Variants in REL observed in about 807,000 individuals in gnomAD.
The protein encoded by REL is REL proto-oncogene, NF-kB subunit, also known as proto-oncogene c-Rel.
REL carries 15 observed loss-of-function variants against 45.9 expected under a neutral mutation model. The ratio of observed to expected loss-of-function variants is 0.33; its 90% CI spans 0.22 to 0.50. The LOEUF (loss-of-function observed/expected upper bound fraction) is 0.50, where lower values mean the gene tolerates loss of function less well. Ranked by LOEUF, REL falls within the 20% of genes least tolerant of loss-of-function variation. The pLI is 0.98. For synonymous variants in REL, 239 were observed against 242.1 expected (o/e 0.99, Z 0.12); for missense variants, 601 against 715.2 (o/e 0.84, Z 1.82).
At position 60,924,153 on chromosome 2, in the gene REL, C is replaced by T. The variant is rs1275411231; in HGVS notation, c.*1618C>T. 4.3e-6 allele frequency: 1 copy of T among 231,050 alleles called. No homozygotes were observed. The highest frequency in any genetic ancestry group is 1.8e-4 in the South Asian group (1 of 5,518). The allele number at this position is 231,050 out of a possible 1,614,324, so 14.3% of individuals were successfully genotyped here. ...TCCTTCAGGTGTCACTCCACTGTTACCTGAGCAGGTCGTCCTTGAATATAT... is the reference window on the plus strand; with the variant it reads ...TCCTTCAGGTGTCACTCCACTGTTATCTGAGCAGGTCGTCCTTGAATATAT... On this transcript the variant is annotated 3_prime_UTR_variant, in exon 10 of 10. Transcript: ENST00000394479.
intron 4 of REL, among the ~76,000 whole-genome samples, chr2:60,905,003 C>T (rs750483118): frequency 3.3e-5 from 5 of 152,196 alleles, no homozygotes; most frequent in Non-Finnish European, 7.4e-5. Flanking sequence ...AACAACTCTA[C>T]CATGCCGCCT....
At chr2:60,887,623 G>T (rs1409134823) in intron 1 of REL, among the ~76,000 whole-genome samples, 1 of 150,650 alleles carries the variant, frequency 6.6e-6, no homozygotes, top group Non-Finnish European at 1.5e-5. Context: ...TAGTTTAAAG[G>T]AGGGGAGATT....
At chr2:60,907,520 G>A (rs1573332723) in intron 4 of REL, among the ~76,000 whole-genome samples, 1 of 151,898 alleles carries the variant, frequency 6.6e-6, no homozygotes, top group Admixed American at 6.5e-5. Flanking sequence ...GCAAGTCCCA[G>A]CCTGCTCCAG....
intron 4 of REL, 142 bp from the exon 5 acceptor site, chr2:60,916,735 A>C: frequency 2.0e-6 from 1 of 488,672 alleles, no homozygotes; most frequent in Non-Finnish European, 3.6e-6. Flanking sequence ...GGCATTCTTG[A>C]GATTGTATAC....
chr2:60,909,499 C>A (rs1673750494), intron 4 of REL, among the ~76,000 whole-genome samples: 1 of 151,520 alleles, frequency 6.6e-6, no homozygotes, highest in South Asian at 2.1e-4. Context: ...CGTATGTTGC[C>A]CAGGCTGGTC....
Position 60,901,038 on chromosome 2 carries a change from G to A in REL, c.349G>A (p.Glu117Lys). 1 of 1,607,952 alleles carries A rather than the reference G, an allele frequency of 6.2e-7. No homozygotes were observed. The highest frequency in any genetic ancestry group is 8.5e-7 in the Non-Finnish European group (1 of 1,177,248). Reference protein sequence around the residue: ...IRCVKKKEVKEAIITRIKAGI... With the variant: ...IRCVKKKEVKKAIITRIKAGI... Reference sequence around the variant, plus strand: ...ATGTGTGAAGAAAAAAGAAGTAAAAGAAGCTATTATTACAAGAATAAAGGC... The same window carrying A: ...ATGTGTGAAGAAAAAAGAAGTAAAAAAAGCTATTATTACAAGAATAAAGGC... The change falls in exon 4 of 10, where the codon GAA becomes AAA. Residue 117 changes from glutamate to lysine, a missense_variant. Coordinates refer to ENST00000394479, the MANE Select transcript of REL (RefSeq NM_001291746.2).
intron 7 of REL, among the ~76,000 whole-genome samples, chr2:60,918,815 C>G (rs1360224398): frequency 1.3e-5 from 2 of 152,006 alleles, no homozygotes; most frequent in Non-Finnish European, 2.9e-5. Flanking sequence ...GTTTTTGAGA[C>G]AGAGTCTCAC....
Position 60,924,958 on chromosome 2 carries a change from A to T in REL, c.*2423A>T, listed in dbSNP as rs1259422119. On this transcript the variant is annotated 3_prime_UTR_variant, in exon 10 of 10. Transcript: ENST00000394479. The stretch of plus-strand genomic sequence containing the variant: ...ACTTTTGGTAATTCTGGCATTTAGA[A>T]ACCTTTCACTTTGCTTCAAAACGTA... 4.8e-6 allele frequency: 1 copy of T among 210,326 alleles called. No homozygotes were observed. Among genetic ancestry groups the T allele is most frequent in the African/African-American group, 2.3e-5 (1 of 44,110 alleles). 13.0% of individuals were successfully genotyped at this position (210,326 alleles called of 1,614,324 possible). A position where few individuals can be genotyped will look rare whatever the true frequency, so the allele number is the denominator to read the frequency against.
Position 60,901,241 on chromosome 2 carries a change from C to T in REL, c.394+158C>T, listed in dbSNP as rs370183294. On this transcript the variant is annotated intron_variant, in intron 4 of 9. Transcript: ENST00000394479. ...CGCGATCTCAGCTCACTGCAACCTC[C>T]GCCTCCCAGGTTCAAGCAATTCTCC... Among the ~76,000 whole-genome samples the T allele has an allele frequency of 2.7e-4, 41 of 149,718 alleles. No individual in the cohort carries two copies. The East Asian group carries it at 6.1e-3, about 22-fold the overall frequency.
At chr2:60,919,152 A>T (rs552551864) in intron 7 of REL, among the ~76,000 whole-genome samples, 1 of 152,334 alleles carries the variant, frequency 6.6e-6, no homozygotes, top group East Asian at 1.9e-4. Context: ...TAGTCTCTAT[A>T]TTGGTTTCTT....
chr2:60,894,619 C>A (rs1415100864), intron 3 of REL, 74 bp downstream of exon 3: 6 of 1,173,582 alleles, frequency 5.1e-6, no homozygotes, highest in African/African-American at 1.6e-5. Context: ...CCATGACAAT[C>A]TGTTACTTTT....
In REL at chr2:60,923,601, G is replaced by C. The variant is rs1377503034; in HGVS notation, c.*1066G>C. On this transcript the variant is annotated 3_prime_UTR_variant, in exon 10 of 10. Transcript: ENST00000394479. ...AAATGGCAATGCCATACTTCTGGTT[G>C]CTCAGGCCAAAAACCCTGAAGTCAT... The C allele has an allele frequency of 8.6e-6, 2 of 232,570 alleles. No individual in the cohort carries two copies. Among genetic ancestry groups the C allele is most frequent in the East Asian group, 1.2e-4 (2 of 16,542 alleles). The allele number at this position is 232,570 out of a possible 1,614,324, so 14.4% of individuals were successfully genotyped here.
chr2:60,888,391 G>C (rs551243705), intron 1 of REL, among the ~76,000 whole-genome samples: 2 of 151,704 alleles, frequency 1.3e-5, no homozygotes, highest in African/African-American at 2.4e-5. Flanking sequence ...CTTTACTTCA[G>C]CCACATAAAT....
At chr2:60,889,672 T>C (rs770492332) in intron 1 of REL, among the ~76,000 whole-genome samples, 1 of 151,904 alleles carries the variant, frequency 6.6e-6, no homozygotes, top group Non-Finnish European at 1.5e-5. Context: ...TGTCCATGTG[T>C]TCTCATTGAT....
intron 4 of REL, among the ~76,000 whole-genome samples, chr2:60,903,193 C>G (rs1673543919): frequency 6.6e-6 from 1 of 151,984 alleles, no homozygotes; most frequent in African/African-American, 2.4e-5. Context: ...ATGCACACTA[C>G]TTTATTTAAT....
intron 4 of REL, among the ~76,000 whole-genome samples, chr2:60,916,492 T>A (rs914926375): frequency 2.0e-5 from 3 of 152,180 alleles, no homozygotes; most frequent in Non-Finnish European, 4.4e-5. Flanking sequence ...AGGAGATAAT[T>A]TACAGAGTCC....
At chr2:60,917,937 C>T (rs1674027989) in intron 5 of REL, among the ~76,000 whole-genome samples, 1 of 151,662 alleles carries the variant, frequency 6.6e-6, no homozygotes, top group Non-Finnish European at 1.5e-5. Flanking sequence ...GATTGATTGG[C>T]GGAATCAGAA....
In REL at chr2:60,925,333, T is replaced by C. The variant is rs1674243630; in HGVS notation, c.*2798T>C. 1 of 192,050 alleles carries C rather than the reference T, an allele frequency of 5.2e-6. No individual in the cohort carries two copies. Among genetic ancestry groups the C allele is most frequent in the Admixed American group, 6.1e-5 (1 of 16,304 alleles). The allele number at this position is 192,050 out of a possible 1,614,324, so 11.9% of individuals were successfully genotyped here. A position where few individuals can be genotyped will look rare whatever the true frequency, so the allele number is the denominator to read the frequency against. On this transcript the variant is annotated 3_prime_UTR_variant, in exon 10 of 10. Transcript: ENST00000394479. ...ACAAAAATTCTCAGTTAAATGATAC[T>C]GGGAAATAGGGAAGACAGCAAAGTG...
Position 60,922,480 on chromosome 2 carries a change from G to C in REL, c.1709G>C (p.Ser570Thr). 5.0e-6 allele frequency: 8 copies of C among 1,612,326 alleles called. No homozygotes were observed. The highest frequency in any genetic ancestry group is 6.8e-6 in the Non-Finnish European group (8 of 1,179,474). ...VQDSQYSGIGSMQNEQLSDSF... is the reference protein window; with the variant it reads ...VQDSQYSGIGTMQNEQLSDSF... ...GATAGTCAGTATTCAGGTATTGGCA[G>C]TATGCAAAATGAGCAATTGAGTGAC... is the stretch of plus-strand genomic sequence containing the variant. The change falls in exon 10 of 10, where the codon AGT (serine) becomes ACT (threonine). Residue 570 changes from serine to threonine, a missense_variant. Ser to Thr is a moderately conservative substitution (Grantham distance 58). This residue lies in a region of REL where 334 missense variants were observed against 333.1 expected (regional missense o/e 1.00). Transcript: ENST00000394479.
Sources: gnomAD v4.1 joint callset for allele counts (sites outside exome capture counted in the v4.1 genomes callset) on GRCh38, gnomAD v4.1.1 for gene constraint, gnomAD v4.1.1 regional missense constraint, MANE v1.5 for transcripts, NCBI Gene and HGNC (gene_info 2026-07-23, HGNC 2026-07-21) for gene names.